AURKA: variants seen among roughly 807,000 people sequenced by gnomAD.
AURKA encodes the protein aurora 2.
In AURKA, 12 loss-of-function variants were observed where a neutral mutation model predicts 40.9. That is an observed-to-expected ratio of 0.29 (90% CI 0.19 to 0.48). The LOEUF (loss-of-function observed/expected upper bound fraction) is 0.48, where lower values mean the gene tolerates loss of function less well. AURKA is among the 20% of genes least tolerant of loss of function. AURKA has a pLI of 0.99. For missense variants in AURKA, 322 were observed against 462.1 expected (o/e 0.70, Z 2.78); for synonymous variants, 170 against 164.3 (o/e 1.03, Z -0.26).
rs1569032252 is a variant in AURKA, at chr20:56,370,111, G to GGT, written c.*45_*46dup. ...AAACTTCAGTAGCATGTTCCTGTCA[G>GGT]GTTATATGGCAGCCCTGGCTCAAGG... On this transcript the variant is annotated 3_prime_UTR_variant, in exon 9 of 9. Transcript: ENST00000395915. The GGT allele has an allele frequency of 6.2e-7, 1 of 1,603,016 alleles. No homozygotes were observed. Among genetic ancestry groups the GGT allele is most frequent in the Admixed American group, 1.7e-5 (1 of 59,994 alleles).
At chr20:56,383,931 A>T (rs1301848299) in intron 4 of AURKA, among the ~76,000 whole-genome samples, 1 of 152,214 alleles carries the variant, frequency 6.6e-6, no homozygotes. Flanking sequence ...TCTATTTTTT[A>T]AAAACTTGCA....
rs2146203717 is a variant in AURKA, at chr20:56,386,263, C to G, written c.313G>C (p.Ala105Pro). ...GTCTCAAAAGCTAGTTTACCAGGTGCCGATGGCAGGGGCTGCTTGCTCTTT... is the reference window on the plus strand; with the variant it reads ...GTCTCAAAAGCTAGTTTACCAGGTGGCGATGGCAGGGGCTGCTTGCTCTTT... Reference protein sequence around the residue: ...TQKSKQPLPSAPENNPEEELA... With the variant: ...TQKSKQPLPSPPENNPEEELA... The change falls in exon 3 of 9, where the codon GCA becomes CCA. Residue 105 changes from alanine to proline, a missense_variant. Transcript: ENST00000395915. The G allele has an allele frequency of 6.2e-7, 1 of 1,614,246 alleles. No individual in the cohort carries two copies. The highest frequency in any genetic ancestry group is 1.1e-5 in the South Asian group (1 of 91,086).
chr20:56,379,596 A>G (rs1376976953), intron 6 of AURKA, among the ~76,000 whole-genome samples: 1 of 152,196 alleles, frequency 6.6e-6, no homozygotes, highest in African/African-American at 2.4e-5. Flanking sequence ...GGCTCCTTGG[A>G]GAAGTGGTTC....
rs1984013906 is a variant in AURKA, at chr20:56,370,584, C to T, written c.930G>A (p.Val310=). ...MIEGRMHDEK[V]DLWSLGVLCY... ...AAAGAACTCCAAGGCTCCAGAGATC[C>T]ACCTTCTCATCATGCATCCGACCTT... Residue 310 remains valine (V), a synonymous_variant, in exon 8 of 9, where the codon GTG becomes GTA. Coordinates refer to ENST00000395915, the MANE Select transcript of AURKA (RefSeq NM_198437.3). 6.2e-7 allele frequency: 1 copy of T among 1,614,174 alleles called. No homozygotes were observed. The highest frequency in any genetic ancestry group is 1.7e-5 in the Admixed American group (1 of 60,016).
chr20:56,386,600 TCA>T lies in AURKA; in HGVS notation c.43-69_43-68del, dbSNP rs1986414073. Reference sequence around the variant, plus strand: ...GCAAAAGATGAATATATTGAGAATTTCACAAAGTTTGTTCTCTAGTATAGCAA... The same window carrying T: ...GCAAAAGATGAATATATTGAGAATTTCAAAGTTTGTTCTCTAGTATAGCAA... On this transcript the variant is annotated intron_variant, in intron 2 of 8. Transcript: ENST00000395915. 18 of 1,583,664 alleles carry T rather than the reference TCA, an allele frequency of 1.1e-5. No individual in the cohort carries two copies. The South Asian group carries it at 2.0e-4, about 18-fold the overall frequency.
At chr20:56,382,036 T>C (rs1688255727) in intron 5 of AURKA, among the ~76,000 whole-genome samples, 1 of 151,978 alleles carries the variant, frequency 6.6e-6, no homozygotes. Flanking sequence ...TGTTGGTGCA[T>C]GCCTGCAATC....
chr20:56,370,700 T>G (rs1488118824), intron 7 of AURKA, 41 bp from the exon 8 acceptor site: 5 of 1,609,244 alleles, frequency 3.1e-6, no homozygotes, highest in Non-Finnish European at 4.3e-6. Context: ...GCTTCTCGTT[T>G]TATGATCACA....
chr20:56,382,837 G>T, intron 5 of AURKA, 148 bp downstream of exon 5: 1 of 767,470 alleles, frequency 1.3e-6, no homozygotes, highest in Non-Finnish European at 2.2e-6. Flanking sequence ...CATAGGGGAG[G>T]GGGAGGTGAG....
intron 7 of AURKA, among the ~76,000 whole-genome samples, chr20:56,372,170 GGT>G (rs141257599): frequency 0.013 from 2,013 of 152,254 alleles, 42 homozygotes; most frequent in African/African-American, 0.046. Context: ...TCACAGCCCT[GGT>G]GCTGTGTTCA....
intron 1 of AURKA, chr20:56,388,896 A>C (rs942765323): frequency 6.6e-6 from 1 of 152,650 alleles, no homozygotes; most frequent in African/African-American, 2.4e-5. Context: ...GCAAAGCTCC[A>C]GAAGAACCGT....
chr20:56,391,936 C>CT (rs543063878), intron 1 of AURKA: 12 of 151,440 alleles, frequency 7.9e-5, no homozygotes, highest in African/African-American at 2.9e-4. Context: ...CAACAAACCC[C>CT]TTGTACCTCT....
Position 56,373,264 on chromosome 20 carries a change from C to G in AURKA, c.854+144G>C, listed in dbSNP as rs1259361421. 2 of 1,083,316 alleles carry G rather than the reference C, an allele frequency of 1.8e-6. No individual in the cohort carries two copies. The highest frequency in any genetic ancestry group is 2.8e-6 in the Non-Finnish European group (2 of 717,650). The allele number at this position is 1,083,316 out of a possible 1,614,324, so 67.1% of individuals were successfully genotyped here. A position where few individuals can be genotyped will look rare whatever the true frequency, so the allele number is the denominator to read the frequency against. On this transcript the variant is annotated intron_variant, in intron 7 of 8. Transcript: ENST00000395915. This position sits in a 1 kb window ranked among gnomAD's most constrained non-coding sequence, Gnocchi z 5.0. ...TTGCAAACCCTAGTTTATTATTAAG[C>G]CTAAATTACTCCAAAGTACTTCTGG... is the stretch of plus-strand genomic sequence containing the variant.
At position 56,384,334 on chromosome 20, in the gene AURKA, A is replaced by G. The variant is rs1278881335; in HGVS notation, c.320-10T>C. The G allele has an allele frequency of 2.5e-6, 4 of 1,581,966 alleles. No individual in the cohort carries two copies. Among genetic ancestry groups the G allele is most frequent in the Non-Finnish European group, 2.6e-6 (3 of 1,152,562 alleles). ...TCCTCAGGATTATTTTCTATATGGA[A>G]TAAGTTAAAAACCTGTTTTTAGAAT... On this transcript the variant is annotated splice_polypyrimidine_tract_variant and intron_variant, in intron 3 of 8. Transcript: ENST00000395915.
At chr20:56,390,757 TATAAAA>T (rs1828239118) in intron 1 of AURKA, 1 of 152,106 alleles carries the variant, frequency 6.6e-6, no homozygotes, top group Non-Finnish European at 1.5e-5. Flanking sequence ...CTGCAGCCCT[TATAAAA>T]AAACAGTGGG....
chr20:56,371,119 A>G (rs1369193480), intron 7 of AURKA, among the ~76,000 whole-genome samples: 1 of 152,156 alleles, frequency 6.6e-6, no homozygotes, highest in Non-Finnish European at 1.5e-5. Flanking sequence ...GATACTTGGT[A>G]CGAGTGATGC....
Position 56,383,024 on chromosome 20 carries a change from T to C in AURKA, c.527A>G (p.His176Arg), listed in dbSNP as rs746609481. The change falls in exon 5 of 9, where the codon CAT becomes CGT. Residue 176 changes from histidine (H) to arginine (R), a missense_variant. Transcript: ENST00000395915. ...TATTTCTACTTCTCTTCTGAGCTGA[T>C]GCTCCACTCCGGCTTTCTCCAGCTG... ...KAQLEKAGVE[H>R]QLRREVEIQS... 6.2e-7 allele frequency: 1 copy of C among 1,614,114 alleles called. No homozygotes were observed. Among genetic ancestry groups the C allele is most frequent in the Non-Finnish European group, 8.5e-7 (1 of 1,180,048 alleles).
chr20:56,372,753 C>T (rs975446363), intron 7 of AURKA, among the ~76,000 whole-genome samples: 4 of 152,060 alleles, frequency 2.6e-5, no homozygotes, highest in Non-Finnish European at 5.9e-5. Context: ...TTAAAATGCC[C>T]CACTTCATGT....
In AURKA at chr20:56,369,811, G is replaced by C; in HGVS notation, c.*347C>G. ...CAGCTCCTTAACTGATCGGGGTCAG[G>C]GCAGAGTGGTCACTTTCCCCACAGC... is the stretch of plus-strand genomic sequence containing the variant. On this transcript the variant is annotated 3_prime_UTR_variant, in exon 9 of 9. Coordinates refer to ENST00000395915, the MANE Select transcript of AURKA (RefSeq NM_198437.3). The C allele has an allele frequency of 2.1e-6, 1 of 474,210 alleles. No homozygotes were observed. Among genetic ancestry groups the C allele is most frequent in the South Asian group, 2.1e-5 (1 of 48,004 alleles). The allele number at this position is 474,210 out of a possible 1,614,324, so 29.4% of individuals were successfully genotyped here. A position where few individuals can be genotyped will look rare whatever the true frequency, so the allele number is the denominator to read the frequency against.
At chr20:56,371,460 C>CAA (rs71730570) in intron 7 of AURKA, among the ~76,000 whole-genome samples, 62 of 132,838 alleles carry the variant, frequency 4.7e-4, no homozygotes, top group East Asian at 8.6e-4. Context: ...GACTCTGTCT[C>CAA]AAAAAAAAAA....
Sources: gnomAD v4.1 joint callset for allele counts (sites outside exome capture counted in the v4.1 genomes callset) on GRCh38, gnomAD v4.1.1 for gene constraint, Gnocchi (gnomAD v3.1) non-coding constraint, MANE v1.5 for transcripts, NCBI Gene and HGNC (gene_info 2026-07-23, HGNC 2026-07-21) for gene names.